The following GABBR2 variants were observed in gnomAD, a reference collection of about 807,000 sequenced individuals.
GABBR2 encodes the protein gamma-aminobutyric acid type B receptor subunit 2.
Under a neutral mutation model 105.6 loss-of-function variants are expected in GABBR2, and 23 were observed. The observed-to-expected ratio is 0.22, with a 90% confidence interval of 0.16 to 0.31. The LOEUF (loss-of-function observed/expected upper bound fraction) is 0.31, where lower values mean the gene tolerates loss of function less well. Ranked by LOEUF, GABBR2 falls within the 10% of genes least tolerant of loss-of-function variation. The pLI is 1.00. For missense variants in GABBR2, 734 were observed against 1,245.5 expected (o/e 0.59, Z 6.18); for synonymous variants, 478 against 499.7 (o/e 0.96, Z 0.58).
chr9:98,463,750 C>T (rs1482021370), intron 6 of GABBR2, among the ~76,000 whole-genome samples: 1 of 152,152 alleles, frequency 6.6e-6, no homozygotes, highest in Non-Finnish European at 1.5e-5. Flanking sequence ...ATTCTCCTGC[C>T]TCGGCCTGCC....
At chr9:98,625,562 G>A (rs1159677106) in intron 1 of GABBR2, among the ~76,000 whole-genome samples, 3 of 152,132 alleles carry the variant, frequency 2.0e-5, no homozygotes, top group Admixed American at 6.5e-5. Flanking sequence ...ATATCCCCTC[G>A]CCAGGCTGCT....
rs1554723459 is a variant in GABBR2, at chr9:98,648,116, T to TAGATAGATAGATAG, written c.321+60300_321+60301insCTATCTATCTATCT. Among the ~76,000 whole-genome samples, 348 of 55,938 alleles carry TAGATAGATAGATAG rather than the reference T, an allele frequency of 6.2e-3. 2 individuals carry two copies. The highest frequency in any genetic ancestry group is 0.011 in the South Asian group (12 of 1,078). The allele number at this position is 55,938 out of a possible 152,430, so 36.7% of individuals were successfully genotyped here. A position where few individuals can be genotyped will look rare whatever the true frequency, so the allele number is the denominator to read the frequency against. The stretch of plus-strand genomic sequence containing the variant: ...GTGTGTGTGTGTGTGTGTGTGTGTG[T>TAGATAGATAGATAG]ATAGATAGATAGATAGATAGATAGA... On this transcript the variant is annotated intron_variant, in intron 1 of 18. Coordinates refer to ENST00000259455, the MANE Select transcript of GABBR2 (RefSeq NM_005458.8).
intron 1 of GABBR2, among the ~76,000 whole-genome samples, chr9:98,664,451 A>C (rs1295053546): frequency 6.6e-6 from 1 of 152,244 alleles, no homozygotes; most frequent in African/African-American, 2.4e-5. Flanking sequence ...AGACTCAGGT[A>C]CACGATATGT....
chr9:98,293,710 G>A (rs533800141), intron 18 of GABBR2, 75 bp downstream of exon 18: 17 of 784,454 alleles, frequency 2.2e-5, no homozygotes, highest in African/African-American at 5.3e-5. Context: ...TGAAAACATC[G>A]TGCAAATTGC....
At chr9:98,631,512 C>T (rs1010943411) in intron 1 of GABBR2, among the ~76,000 whole-genome samples, 2 of 152,326 alleles carry the variant, frequency 1.3e-5, no homozygotes, top group South Asian at 2.1e-4. Flanking sequence ...TCTGCCCTCA[C>T]AGAGCTTACA....
intron 4 of GABBR2, among the ~76,000 whole-genome samples, chr9:98,481,260 G>A (rs1319355078): frequency 6.6e-6 from 1 of 152,216 alleles, no homozygotes; most frequent in Admixed American, 6.5e-5. Flanking sequence ...GTACAGGCTG[G>A]AGGCTAAAGC....
chr9:98,655,297 G>A (rs183430976), intron 1 of GABBR2, among the ~76,000 whole-genome samples: 2 of 152,226 alleles, frequency 1.3e-5, no homozygotes, highest in East Asian at 1.9e-4. Flanking sequence ...GATAATGGGG[G>A]ATGCTGTTCA....
At chr9:98,677,750 C>G (rs1017401833) in intron 1 of GABBR2, among the ~76,000 whole-genome samples, 9 of 152,120 alleles carry the variant, frequency 5.9e-5, no homozygotes, top group African/African-American at 2.2e-4. Flanking sequence ...TCTCAAACTC[C>G]TCAAGTACAC....
At chr9:98,671,707 C>G (rs1830409293) in intron 1 of GABBR2, among the ~76,000 whole-genome samples, 1 of 152,124 alleles carries the variant, frequency 6.6e-6, no homozygotes, top group Non-Finnish European at 1.5e-5. Flanking sequence ...AGTGACATGT[C>G]ATGTGGTTTT....
At chr9:98,578,439 A>G (rs56207343) in intron 1 of GABBR2, among the ~76,000 whole-genome samples, 64 of 152,064 alleles carry the variant, frequency 4.2e-4, no homozygotes, top group Admixed American at 1.2e-3. Flanking sequence ...GGCTATCATT[A>G]AAAAAACACA....
chr9:98,586,450 C>T (rs1829078937), intron 1 of GABBR2, among the ~76,000 whole-genome samples: 1 of 152,144 alleles, frequency 6.6e-6, no homozygotes, highest in Non-Finnish European at 1.5e-5. Context: ...CAGGCACATG[C>T]CACTGTGCCC....
chr9:98,323,840 C>G (rs72759627), intron 13 of GABBR2, among the ~76,000 whole-genome samples: 4 of 152,282 alleles, frequency 2.6e-5, no homozygotes, highest in African/African-American at 7.2e-5. Context: ...CCCAGCTTGG[C>G]GTGAATGGAG....
intron 6 of GABBR2, among the ~76,000 whole-genome samples, chr9:98,464,820 C>A (rs985965224): frequency 6.6e-6 from 1 of 152,044 alleles, no homozygotes; most frequent in Non-Finnish European, 1.5e-5. Flanking sequence ...AACCTTACCC[C>A]CAACCCCGTG....
At chr9:98,575,866 C>T (rs756099045) in intron 2 of GABBR2, among the ~76,000 whole-genome samples, 5 of 152,192 alleles carry the variant, frequency 3.3e-5, no homozygotes, top group Non-Finnish European at 5.9e-5. Context: ...AATGACTCAG[C>T]ACTCCCCAAG....
intron 2 of GABBR2, among the ~76,000 whole-genome samples, chr9:98,546,063 G>C (rs1307770689): frequency 6.6e-6 from 1 of 152,074 alleles, no homozygotes; most frequent in Non-Finnish European, 1.5e-5. Flanking sequence ...ATAATTTCTA[G>C]TTTTATTGCA....
At chr9:98,443,942 G>T (rs904672324) in intron 7 of GABBR2, among the ~76,000 whole-genome samples, 1 of 152,312 alleles carries the variant, frequency 6.6e-6, no homozygotes, top group Middle Eastern at 3.4e-3. Context: ...CCTGGCCCTG[G>T]TCTGGCTTAC....
intron 2 of GABBR2, among the ~76,000 whole-genome samples, chr9:98,568,168 C>T (rs1401359376): frequency 6.6e-6 from 1 of 152,108 alleles, no homozygotes; most frequent in Non-Finnish European, 1.5e-5. Flanking sequence ...GGCAGTGATA[C>T]CCCAGGCCAA....
At chr9:98,659,507 TTTTCTTTTC>T (rs1564143894) in intron 1 of GABBR2, among the ~76,000 whole-genome samples, 1 of 123,626 alleles carries the variant, frequency 8.1e-6, no homozygotes, top group East Asian at 2.3e-4. Flanking sequence ...AAACAACCTT[TTTTCTTTTC>T]TTTTCTTTTC....
At chr9:98,407,819 C>T (rs1368998961) in intron 7 of GABBR2, among the ~76,000 whole-genome samples, 2 of 152,176 alleles carry the variant, frequency 1.3e-5, no homozygotes, top group East Asian at 1.9e-4. Context: ...TGAGAAGAGC[C>T]TTCCTTTACT....
Sources: allele counts gnomAD v4.1 joint callset (sites outside exome capture counted in the v4.1 genomes callset), GRCh38; gene constraint gnomAD v4.1.1; transcripts MANE v1.5; gene names NCBI Gene and HGNC (gene_info 2026-07-23, HGNC 2026-07-21).